The following BBS9 variants were observed in gnomAD, a reference collection of about 807,000 sequenced individuals.
BBS9 encodes Bardet-Biedl syndrome 9.
Under a neutral mutation model 117.7 loss-of-function variants are expected in BBS9, and 89 were observed. That is an observed-to-expected ratio of 0.76 (90% CI 0.64 to 0.90). BBS9 has a LOEUF of 0.90. Ranked by LOEUF, BBS9 falls within the 40% of genes least tolerant of loss-of-function variation. The pLI is 0.00. For synonymous variants in BBS9, 379 were observed against 370.9 expected (o/e 1.02, Z -0.25); for missense variants, 982 against 1,042.2 (o/e 0.94, Z 0.80).
intron 19 of BBS9, among the ~76,000 whole-genome samples, chr7:33,397,222 C>G (rs541490750): frequency 7.2e-5 from 11 of 152,096 alleles, no homozygotes; most frequent in Admixed American, 6.5e-5. Flanking sequence ...TGAAAAAGCT[C>G]GGCATCACTG....
intron 21 of BBS9, among the ~76,000 whole-genome samples, chr7:33,570,887 T>C (rs1379257976): frequency 6.6e-6 from 1 of 152,174 alleles, no homozygotes; most frequent in Non-Finnish European, 1.5e-5. Context: ...GGAGTGCCAG[T>C]GTCATGAAGA....
intron 16 of BBS9, among the ~76,000 whole-genome samples, chr7:33,361,435 G>C (rs1820601877): frequency 6.6e-6 from 1 of 152,040 alleles, no homozygotes; most frequent in South Asian, 2.1e-4. Flanking sequence ...ATTTCTCTTA[G>C]GAGAAATTCT....
chr7:33,527,006 C>A (rs1254042535), intron 20 of BBS9, among the ~76,000 whole-genome samples: 8 of 150,518 alleles, frequency 5.3e-5, no homozygotes, highest in Admixed American at 4.0e-4. Flanking sequence ...AATACCCTGC[C>A]GTGTGAGGTG....
chr7:33,319,164 A>T (rs1393413396), intron 9 of BBS9, among the ~76,000 whole-genome samples: 4 of 146,330 alleles, frequency 2.7e-5, no homozygotes, highest in Non-Finnish European at 4.5e-5. Context: ...CTCTATGTCA[A>T]AAAAAAAAAA....
intron 21 of BBS9, among the ~76,000 whole-genome samples, chr7:33,545,446 C>T (rs1000259647): frequency 3.3e-5 from 5 of 152,070 alleles, no homozygotes; most frequent in South Asian, 2.1e-4. Flanking sequence ...TAAGTAAAGT[C>T]GGAAACTTCT....
chr7:33,219,334 G>A (rs1321573002), intron 5 of BBS9, among the ~76,000 whole-genome samples: 6 of 152,186 alleles, frequency 3.9e-5, no homozygotes, highest in Admixed American at 3.9e-4. Flanking sequence ...CGGTCCCATC[G>A]ACCACCCAAG....
intron 5 of BBS9, among the ~76,000 whole-genome samples, chr7:33,242,043 A>G (rs751106253): frequency 6.6e-6 from 1 of 152,046 alleles, no homozygotes; most frequent in African/African-American, 2.4e-5. Flanking sequence ...TTCTTCAAAG[A>G]TTTGAGTAAT....
At chr7:33,467,518 A>G (rs966175916) in intron 19 of BBS9, among the ~76,000 whole-genome samples, 7 of 151,442 alleles carry the variant, frequency 4.6e-5, no homozygotes, top group Non-Finnish European at 8.8e-5. Context: ...GTTTTTCGCT[A>G]ATGCCCTCTC....
chr7:33,431,798 T>G (rs1418407949), intron 19 of BBS9, among the ~76,000 whole-genome samples: 1 of 152,216 alleles, frequency 6.6e-6, no homozygotes, highest in Non-Finnish European at 1.5e-5. Flanking sequence ...GCCATATGTT[T>G]AATGGAAATT....
At chr7:33,229,165 T>A (rs1021884418) in intron 5 of BBS9, among the ~76,000 whole-genome samples, 6 of 152,154 alleles carry the variant, frequency 3.9e-5, no homozygotes, top group Non-Finnish European at 1.5e-5. Flanking sequence ...TCATCTCACT[T>A]AGTTACCCAT....
chr7:33,269,645 G>A (rs1396253671), intron 7 of BBS9, among the ~76,000 whole-genome samples: 3 of 151,698 alleles, frequency 2.0e-5, no homozygotes, highest in Non-Finnish European at 4.4e-5. Flanking sequence ...GCATTGATAC[G>A]GAACATGATG....
At chr7:33,590,391 C>G (rs1318866936) in intron 21 of BBS9, among the ~76,000 whole-genome samples, 1 of 149,356 alleles carries the variant, frequency 6.7e-6, no homozygotes, top group Non-Finnish European at 1.5e-5. Flanking sequence ...GATCTGGACC[C>G]TAATCTTTGT....
Position 33,454,520 on chromosome 7 carries a change from TG to T in BBS9, c.2116-50941del, listed in dbSNP as rs1838348008. Among the ~76,000 whole-genome samples the T allele has an allele frequency of 2.0e-5, 3 of 152,242 alleles. No homozygotes were observed. The South Asian group carries it at 6.2e-4, about 32-fold the overall frequency. ...CCTGTATTTTATCACTTGTCCATTT[TG>T]GAAATAATCTTTGATACTGGAGAAG... On this transcript the variant is annotated intron_variant, in intron 19 of 22. Transcript: ENST00000242067.
At chr7:33,316,683 A>G (rs2128567267) in intron 9 of BBS9, among the ~76,000 whole-genome samples, 1 of 152,212 alleles carries the variant, frequency 6.6e-6, no homozygotes, top group African/African-American at 2.4e-5. Context: ...GGCCATTTTT[A>G]TACTTCGCTC....
Position 33,443,347 on chromosome 7 carries a change from C to T in BBS9, c.2115+55203C>T, listed in dbSNP as rs1350558008. The stretch of plus-strand genomic sequence containing the variant: ...AAGTTAATTCCTTCATATTCTGAGA[C>T]GTAGCTAGTGGAGGACTAATTTTGT... On this transcript the variant is annotated intron_variant, in intron 19 of 22. Coordinates refer to ENST00000242067, the MANE Select transcript of BBS9 (RefSeq NM_198428.3). Among the ~76,000 whole-genome samples, 12 of 152,040 alleles carry T rather than the reference C, an allele frequency of 7.9e-5. No homozygotes were observed. The East Asian group carries it at 9.6e-4, about 12-fold the overall frequency.
At chr7:33,289,584 A>G (rs555998858) in intron 9 of BBS9, among the ~76,000 whole-genome samples, 11 of 152,218 alleles carry the variant, frequency 7.2e-5, no homozygotes, top group Admixed American at 3.9e-4. Context: ...AACATTTTGT[A>G]TACTACTTTT....
At chr7:33,415,807 C>G (rs913061066) in intron 19 of BBS9, among the ~76,000 whole-genome samples, 2 of 152,096 alleles carry the variant, frequency 1.3e-5, no homozygotes, top group African/African-American at 4.8e-5. Flanking sequence ...ATTGGCTCAC[C>G]TAGTGGTTTT....
chr7:33,585,653 A>G (rs978012964), intron 21 of BBS9, among the ~76,000 whole-genome samples: 3 of 152,126 alleles, frequency 2.0e-5, no homozygotes, highest in Non-Finnish European at 2.9e-5. Flanking sequence ...AAGTGCTAAA[A>G]AAAAGGTACT....
intron 9 of BBS9, among the ~76,000 whole-genome samples, chr7:33,311,632 C>T (rs1289241444): frequency 6.6e-6 from 1 of 152,140 alleles, no homozygotes; most frequent in Non-Finnish European, 1.5e-5. Flanking sequence ...GCCTGGCCAA[C>T]ATGAGAAAAC....
Sources: allele counts gnomAD v4.1 joint callset (sites outside exome capture counted in the v4.1 genomes callset), GRCh38; gene constraint gnomAD v4.1.1; transcripts MANE v1.5; gene names NCBI Gene and HGNC (gene_info 2026-07-23, HGNC 2026-07-21).